The following ATG5 variants were observed in gnomAD, a reference collection of about 807,000 sequenced individuals.
The protein encoded by ATG5 is autophagy related 5.
Under a neutral mutation model 36.5 loss-of-function variants are expected in ATG5, and 14 were observed. The ratio of observed to expected loss-of-function variants is 0.38; its 90% CI spans 0.25 to 0.60. The LOEUF (loss-of-function observed/expected upper bound fraction) is 0.60. Ranked by LOEUF, ATG5 falls within the 20% of genes least tolerant of loss-of-function variation. The probability of loss-of-function intolerance (pLI) is 0.60; values close to 1 mark genes in which losing one functional copy is unlikely to be tolerated. For synonymous variants in ATG5, 95 were observed against 101.5 expected, an observed-to-expected ratio of 0.94 and a Z score of 0.38; for missense variants, 195 against 326.7, an observed-to-expected ratio of 0.60 and a Z score of 3.11.
intron 6 of ATG5, among the ~76,000 whole-genome samples, chr6:106,225,054 A>G (rs1777402010): frequency 6.6e-6 from 1 of 152,270 alleles, no homozygotes. Flanking sequence ...ATTTAAGTCA[A>G]TAACATCTAA....
At chr6:106,253,345 G>A (rs2114529529) in intron 5 of ATG5, among the ~76,000 whole-genome samples, 1 of 152,324 alleles carries the variant, frequency 6.6e-6, no homozygotes, top group East Asian at 1.9e-4. Flanking sequence ...AGTCCTGGAG[G>A]AAGTTCATCC....
chr6:106,234,950 G>A (rs1417855280), intron 6 of ATG5, among the ~76,000 whole-genome samples: 1 of 152,206 alleles, frequency 6.6e-6, no homozygotes, highest in African/African-American at 2.4e-5. Flanking sequence ...GAAAGAGGGG[G>A]AAGCTGTTTA....
At chr6:106,288,807 TTA>T (rs1780187005) in intron 4 of ATG5, among the ~76,000 whole-genome samples, 1 of 152,206 alleles carries the variant, frequency 6.6e-6, no homozygotes, top group South Asian at 2.1e-4. Flanking sequence ...AATGCATTTA[TTA>T]TAAACATTAT....
chr6:106,234,687 T>C (rs940092802), intron 6 of ATG5, among the ~76,000 whole-genome samples: 3 of 152,230 alleles, frequency 2.0e-5, no homozygotes, highest in African/African-American at 7.2e-5. Context: ...ATTTATACAA[T>C]TATGTTGTAC....
In ATG5 at chr6:106,202,810, C is replaced by T. The variant is rs1461175973; in HGVS notation, c.574-721G>A. ...CCAAGTAGCTGGGACTACAGGAGTG[C>T]GCCACCATGTCCAGCTAACTTTTTG... is the stretch of plus-strand genomic sequence containing the variant. On this transcript the variant is annotated intron_variant, in intron 6 of 7. Transcript: ENST00000369076. 5.9e-5 allele frequency among the ~76,000 whole-genome samples: 9 copies of T among 152,196 alleles called. No homozygotes were observed. The East Asian group carries it at 1.4e-3, about 23-fold the overall frequency.
chr6:106,256,294 T>A (rs1778796869), intron 5 of ATG5, among the ~76,000 whole-genome samples: 1 of 152,196 alleles, frequency 6.6e-6, no homozygotes, highest in Non-Finnish European at 1.5e-5. Flanking sequence ...GGGCCACCAA[T>A]GGTCACTGGA....
intron 2 of ATG5, among the ~76,000 whole-genome samples, chr6:106,315,021 G>T (rs557281497): frequency 3.5e-4 from 53 of 152,274 alleles, no homozygotes; most frequent in Middle Eastern, 6.8e-3. Flanking sequence ...TTCATGCACC[G>T]AGTAGTACCA....
At chr6:106,227,743 T>C (rs1454685192) in intron 6 of ATG5, among the ~76,000 whole-genome samples, 2 of 152,270 alleles carry the variant, frequency 1.3e-5, no homozygotes, top group Non-Finnish European at 2.9e-5. Context: ...ACAGCCTTGT[T>C]TGATAACTAC....
chr6:106,237,992 C>G (rs1777963193), intron 6 of ATG5, among the ~76,000 whole-genome samples: 1 of 152,078 alleles, frequency 6.6e-6, no homozygotes, highest in Admixed American at 6.6e-5. Flanking sequence ...CATAGACTGA[C>G]CTTAGATTAC....
chr6:106,231,275 G>C (rs1044157078), intron 6 of ATG5, among the ~76,000 whole-genome samples: 1 of 152,186 alleles, frequency 6.6e-6, no homozygotes, highest in African/African-American at 2.4e-5. Context: ...CTGATATGGA[G>C]AGATATAATG....
At chr6:106,230,615 G>A (rs780962025) in intron 6 of ATG5, among the ~76,000 whole-genome samples, 8 of 152,106 alleles carry the variant, frequency 5.3e-5, no homozygotes, top group African/African-American at 1.4e-4. Flanking sequence ...AATGCTCATC[G>A]GAAAATGACT....
chr6:106,192,251 T>TA (rs760275195), intron 7 of ATG5, among the ~76,000 whole-genome samples: 101 of 141,988 alleles, frequency 7.1e-4, no homozygotes, highest in African/African-American at 1.2e-3. Context: ...AACATTCAGG[T>TA]AAAAAAAAAA....
Position 106,276,503 on chromosome 6 carries a change from G to GACTTGACC in ATG5, c.478+3150_478+3157dup, listed in dbSNP as rs564727438. Among the ~76,000 whole-genome samples the GACTTGACC allele has an allele frequency of 2.2e-4, 33 of 150,674 alleles. No individual in the cohort carries two copies. In the South Asian group the frequency reaches 6.9e-3, roughly 32 times the overall value. On this transcript the variant is annotated intron_variant, in intron 5 of 7. Transcript: ENST00000369076. ...AAAGAAACTGAAGCTCAAAGCAGTT[G>GACTTGACC]ACTTGACCTAAGGACTACTAAGACC...
chr6:106,265,408 A>G (rs1234301443), intron 5 of ATG5, among the ~76,000 whole-genome samples: 9 of 152,258 alleles, frequency 5.9e-5, no homozygotes, highest in Admixed American at 2.6e-4. Flanking sequence ...ATAGTGGGGG[A>G]TTTTAACCCC....
chr6:106,243,281 G>A (rs1263137950), intron 6 of ATG5, among the ~76,000 whole-genome samples: 3 of 152,146 alleles, frequency 2.0e-5, no homozygotes, highest in East Asian at 3.8e-4. Context: ...AGAATTCTGA[G>A]GATTATGAAA....
At chr6:106,283,037 T>C (rs538654378) in intron 4 of ATG5, among the ~76,000 whole-genome samples, 28 of 152,160 alleles carry the variant, frequency 1.8e-4, no homozygotes, top group African/African-American at 6.0e-4. Flanking sequence ...GTAATCCTCC[T>C]GGTTCAGCCT....
intron 7 of ATG5, among the ~76,000 whole-genome samples, chr6:106,192,146 G>C (rs1433599552): frequency 6.6e-6 from 1 of 151,698 alleles, no homozygotes; most frequent in Non-Finnish European, 1.5e-5. Flanking sequence ...TATTCAAGTG[G>C]AGCACATCAC....
intron 5 of ATG5, among the ~76,000 whole-genome samples, chr6:106,265,370 A>G (rs535047688): frequency 6.6e-6 from 1 of 152,324 alleles, no homozygotes; most frequent in South Asian, 2.1e-4. Context: ...TTCAAGATCT[A>G]CGAAGAGACT....
chr6:106,242,284 A>G (rs1280515795), intron 6 of ATG5, among the ~76,000 whole-genome samples: 1 of 152,038 alleles, frequency 6.6e-6, no homozygotes, highest in Admixed American at 6.6e-5. Context: ...CCAGCCAAAA[A>G]AAGGACATTC....
Sources: allele counts gnomAD v4.1 joint callset (sites outside exome capture counted in the v4.1 genomes callset), GRCh38; gene constraint gnomAD v4.1.1; transcripts MANE v1.5; gene names NCBI Gene and HGNC (gene_info 2026-07-23, HGNC 2026-07-21).